KALRN: variants seen among roughly 807,000 people sequenced by gnomAD.
KALRN encodes the protein kalirin.
A neutral mutation model predicts 353.7 loss-of-function variants in KALRN; 70 were observed. The ratio of observed to expected loss-of-function variants is 0.20; its 90% CI spans 0.16 to 0.24. KALRN has a LOEUF of 0.24. Among genes scored for constraint, KALRN ranks in the 10% least tolerant of loss-of-function variants. The pLI, the probability that KALRN is intolerant of heterozygous loss-of-function variation, is 1.00. For missense variants in KALRN, 2,791 were observed against 3,756.7 expected (o/e 0.74, Z 6.72); for synonymous variants, 1,391 against 1,434.8 (o/e 0.97, Z 0.69).
Position 124,413,671 on chromosome 3 carries a change from T to A in KALRN, c.2542+6T>A, listed in dbSNP as rs2092323456. The A allele has an allele frequency of 1.2e-6, 2 of 1,611,148 alleles. No individual in the cohort carries two copies. The highest frequency in any genetic ancestry group is 1.7e-6 in the Non-Finnish European group (2 of 1,177,942). On this transcript the variant is annotated splice_donor_region_variant and intron_variant, in intron 14 of 59. Coordinates refer to ENST00000682506, the MANE Select transcript of KALRN (RefSeq NM_001388419.1). ...CACGGAGGTCCAGGCATCAGGTGGG[T>A]GACCTCGCTCATTCTCCTGGCAGAG...
intron 6 of KALRN, among the ~76,000 whole-genome samples, chr3:124,301,596 T>A (rs1167484333): frequency 6.6e-6 from 1 of 152,098 alleles, no homozygotes; most frequent in African/African-American, 2.4e-5. Flanking sequence ...AGGTTTAAGG[T>A]TTGTTATTAA....
intron 33 of KALRN, among the ~76,000 whole-genome samples, chr3:124,533,813 C>G (rs1446207319): frequency 6.6e-6 from 1 of 152,192 alleles, no homozygotes; most frequent in African/African-American, 2.4e-5. Flanking sequence ...ATTCCCCACT[C>G]TAACTATGGC....
At chr3:124,466,595 G>A (rs748297114) in intron 25 of KALRN, among the ~76,000 whole-genome samples, 1 of 152,070 alleles carries the variant, frequency 6.6e-6, no homozygotes, top group Non-Finnish European at 1.5e-5. Flanking sequence ...TTGGAGATAG[G>A]GTCATATGTG....
At chr3:124,286,086 T>TCTTTCTTTCTTTC in intron 5 of KALRN, among the ~76,000 whole-genome samples, 1 of 107,586 alleles carries the variant, frequency 9.3e-6, no homozygotes, top group East Asian at 2.9e-4. Context: ...TTCCTTCCTT[T>TCTTTCTTTCTTTC]CTTTCTTTCT....
intron 1 of KALRN, among the ~76,000 whole-genome samples, chr3:124,145,510 T>C (rs2067220359): frequency 6.6e-6 from 1 of 152,234 alleles, no homozygotes; most frequent in African/African-American, 2.4e-5. Context: ...CTGAGGCTTC[T>C]TCCTGTGGCA....
intron 47 of KALRN, among the ~76,000 whole-genome samples, chr3:124,668,820 G>A (rs1303319131): frequency 6.6e-6 from 1 of 152,064 alleles, no homozygotes; most frequent in African/African-American, 2.4e-5. Flanking sequence ...GAACACTTTT[G>A]TTGATAAAAT....
At chr3:124,147,621 G>T (rs1276123085) in intron 1 of KALRN, among the ~76,000 whole-genome samples, 2 of 152,162 alleles carry the variant, frequency 1.3e-5, no homozygotes, top group Non-Finnish European at 2.9e-5. Context: ...ATCCCCCACT[G>T]TTAACATCTT....
chr3:124,424,154 C>T (rs1262720312), intron 15 of KALRN, among the ~76,000 whole-genome samples: 3 of 152,048 alleles, frequency 2.0e-5, no homozygotes, highest in East Asian at 1.9e-4. Flanking sequence ...CCACAGGTCC[C>T]GGGGGGGTTC....
At chr3:124,274,537 C>T (rs1349213962) in intron 5 of KALRN, among the ~76,000 whole-genome samples, 2 of 152,234 alleles carry the variant, frequency 1.3e-5, no homozygotes, top group Non-Finnish European at 2.9e-5. Flanking sequence ...AAGATATTCG[C>T]ACTTTGGGAG....
At chr3:124,668,976 T>A (rs987933061) in intron 47 of KALRN, among the ~76,000 whole-genome samples, 2 of 152,214 alleles carry the variant, frequency 1.3e-5, no homozygotes, top group African/African-American at 2.4e-5. Context: ...AACAGTAAGT[T>A]GAAACAAGAA....
chr3:124,326,008 T>A lies in KALRN; in HGVS notation c.1121T>A (p.Met374Lys). The stretch of plus-strand genomic sequence containing the variant: ...GCCTATGTCAACATCAACCGCATCA[T>A]GTCCGTGGCTTCCCGCCTCTCTGAG... ...MNAYVNINRI[M>K]SVASRLSEAG... is the part of the protein sequence containing the mutation. The change falls in exon 7 of 60, where the codon ATG becomes AAG. Residue 374 changes from methionine to lysine, a missense_variant. Met to Lys is a moderately conservative substitution (Grantham distance 95). Coordinates refer to ENST00000682506, the MANE Select transcript of KALRN (RefSeq NM_001388419.1). 2 of 1,613,408 alleles carry A rather than the reference T, an allele frequency of 1.2e-6. No homozygotes were observed. The highest frequency in any genetic ancestry group is 2.2e-5 in the South Asian group (2 of 90,814).
chr3:124,677,987 T>C (rs183556743), intron 49 of KALRN, among the ~76,000 whole-genome samples: 1 of 152,176 alleles, frequency 6.6e-6, no homozygotes, highest in Non-Finnish European at 1.5e-5. Flanking sequence ...CCAGGGGAGG[T>C]CAGAGTTCAT....
intron 1 of KALRN, among the ~76,000 whole-genome samples, chr3:124,217,350 C>A (rs182655323): frequency 8.5e-5 from 13 of 152,296 alleles, no homozygotes; most frequent in Non-Finnish European, 1.9e-4. Context: ...CTCCAGGAAT[C>A]TTTCCATGGC....
intron 1 of KALRN, among the ~76,000 whole-genome samples, chr3:124,170,902 G>A (rs141294389): frequency 1.6e-5 from 2 of 128,904 alleles, no homozygotes; most frequent in Non-Finnish European, 3.1e-5. Flanking sequence ...ACCCAGGCTG[G>A]AGTGTCGTTC....
intron 3 of KALRN, among the ~76,000 whole-genome samples, chr3:124,256,819 G>A (rs1043670103): frequency 5.3e-5 from 8 of 152,168 alleles, no homozygotes; most frequent in Non-Finnish European, 2.9e-5. Flanking sequence ...TCAGGTGTAC[G>A]ACAAGAAGCA....
chr3:124,107,035 G>A (rs1229480031), intron 1 of KALRN, among the ~76,000 whole-genome samples: 1 of 152,098 alleles, frequency 6.6e-6, no homozygotes, highest in Non-Finnish European at 1.5e-5. Context: ...GGTTCTCCTG[G>A]GCTGTTGCAG....
chr3:124,612,812 T>TA (rs1476834843), intron 34 of KALRN, among the ~76,000 whole-genome samples: 1 of 152,186 alleles, frequency 6.6e-6, no homozygotes, highest in African/African-American at 2.4e-5. Context: ...TCCTGGCATA[T>TA]AGGAAGCACT....
chr3:124,645,145 A>G (rs1392155064), intron 37 of KALRN, among the ~76,000 whole-genome samples: 2 of 152,078 alleles, frequency 1.3e-5, no homozygotes, highest in Non-Finnish European at 2.9e-5. Context: ...GTGTCTGTTC[A>G]TATCCTTTGC....
At chr3:124,107,694 G>A (rs1325778940) in intron 1 of KALRN, among the ~76,000 whole-genome samples, 2 of 152,184 alleles carry the variant, frequency 1.3e-5, no homozygotes, top group Non-Finnish European at 1.5e-5. Context: ...GCTGGACTGC[G>A]CTGGCAGAGG....
Sources: allele counts gnomAD v4.1 joint callset (sites outside exome capture counted in the v4.1 genomes callset), GRCh38; gene constraint gnomAD v4.1.1; transcripts MANE v1.5; gene names NCBI Gene and HGNC (gene_info 2026-07-23, HGNC 2026-07-21).